Variants in SH3RF3 observed in about 807,000 individuals in gnomAD.
The protein encoded by SH3RF3 is E3 ubiquitin-protein ligase SH3RF3.
A neutral mutation model predicts 66.3 loss-of-function variants in SH3RF3; 29 were observed. That is an observed-to-expected ratio of 0.44 (90% confidence interval 0.33 to 0.60). The LOEUF (loss-of-function observed/expected upper bound fraction) is 0.60. Among genes scored for constraint, SH3RF3 ranks in the 20% least tolerant of loss-of-function variants. The pLI, the probability that SH3RF3 is intolerant of heterozygous loss-of-function variation, is 0.04. For missense variants in SH3RF3, 1,194 were observed against 1,190.9 expected, an observed-to-expected ratio of 1.00 and a Z score of -0.04; for synonymous variants, 583 against 532.0, an observed-to-expected ratio of 1.10 and a Z score of -1.32.
At chr2:109,324,740 G>A (rs1682108383) in intron 1 of SH3RF3, among the ~76,000 whole-genome samples, 1 of 152,180 alleles carries the variant, frequency 6.6e-6, no homozygotes, top group African/African-American at 2.4e-5. Context: ...TGCTGCATAA[G>A]CGCCAAATGA....
chr2:109,180,857 G>C (rs992068562), intron 1 of SH3RF3, among the ~76,000 whole-genome samples: 5 of 152,206 alleles, frequency 3.3e-5, no homozygotes, highest in Admixed American at 6.5e-5. Flanking sequence ...GGTCACAGGG[G>C]CTTCAGGGGC....
At chr2:109,376,013 C>T (rs780782272) in intron 3 of SH3RF3, among the ~76,000 whole-genome samples, 22 of 152,270 alleles carry the variant, frequency 1.4e-4, no homozygotes, top group Non-Finnish European at 2.6e-4. Flanking sequence ...CAGTGGCAGA[C>T]GTCATGGGCT....
intron 1 of SH3RF3, among the ~76,000 whole-genome samples, chr2:109,306,643 C>G (rs1214693133): frequency 6.6e-6 from 1 of 152,216 alleles, no homozygotes; most frequent in Non-Finnish European, 1.5e-5. Flanking sequence ...TGATTTCATG[C>G]TGTTAGCAGT....
chr2:109,182,293 C>T (rs1678091293), intron 1 of SH3RF3, among the ~76,000 whole-genome samples: 1 of 152,178 alleles, frequency 6.6e-6, no homozygotes, highest in Non-Finnish European at 1.5e-5. Context: ...AGTATGTGTG[C>T]ATGTGAGAGA....
chr2:109,255,373 G>T (rs915179888), intron 1 of SH3RF3, among the ~76,000 whole-genome samples: 8 of 152,180 alleles, frequency 5.3e-5, no homozygotes, highest in African/African-American at 1.9e-4. Flanking sequence ...GCTTTATTCG[G>T]TTAACTTTAC....
chr2:109,372,635 C>T (rs186615854), intron 3 of SH3RF3, among the ~76,000 whole-genome samples: 209 of 152,338 alleles, frequency 1.4e-3, no homozygotes, highest in African/African-American at 4.8e-3. Flanking sequence ...GTCCCACAGC[C>T]GAGGAGTGGC....
At chr2:109,417,740 A>G (rs1041098293) in intron 4 of SH3RF3, among the ~76,000 whole-genome samples, 2 of 152,190 alleles carry the variant, frequency 1.3e-5, no homozygotes, top group African/African-American at 4.8e-5. Flanking sequence ...AACAGGAGGA[A>G]GAAATCGTTT....
intron 1 of SH3RF3, among the ~76,000 whole-genome samples, chr2:109,256,657 C>A (rs953588205): frequency 9.9e-5 from 15 of 152,178 alleles, no homozygotes; most frequent in African/African-American, 3.1e-4. Flanking sequence ...TTTCCCTAGT[C>A]TTCGTGGTCT....
chr2:109,494,794 C>T (rs1679217452), intron 9 of SH3RF3, among the ~76,000 whole-genome samples: 2 of 152,104 alleles, frequency 1.3e-5, no homozygotes. Context: ...ATTTCTTGGG[C>T]CTTTCCTGTG....
At chr2:109,351,894 C>T (rs1288526437) in intron 2 of SH3RF3, among the ~76,000 whole-genome samples, 3 of 152,226 alleles carry the variant, frequency 2.0e-5, no homozygotes, top group African/African-American at 7.2e-5. Context: ...AATGTTTAAT[C>T]ATTTCTCAAA....
At chr2:109,500,096 G>A (rs1679352050) in intron 9 of SH3RF3, among the ~76,000 whole-genome samples, 1 of 152,156 alleles carries the variant, frequency 6.6e-6, no homozygotes, top group Non-Finnish European at 1.5e-5. Flanking sequence ...AGGTGTGGCT[G>A]GAACCCACAG....
At chr2:109,442,762 A>G (rs943679073) in intron 7 of SH3RF3, among the ~76,000 whole-genome samples, 1 of 152,232 alleles carries the variant, frequency 6.6e-6, no homozygotes, top group Non-Finnish European at 1.5e-5. Flanking sequence ...TCATGAAAAC[A>G]TCCAAAAGAA....
At chr2:109,458,007 T>C (rs1678108630) in intron 8 of SH3RF3, among the ~76,000 whole-genome samples, 1 of 152,144 alleles carries the variant, frequency 6.6e-6, no homozygotes, top group African/African-American at 2.4e-5. Context: ...TTCGGCATTC[T>C]ATTTGTTGTG....
Position 109,501,566 on chromosome 2 carries a change from C to T in SH3RF3, c.2544C>T (p.Asp848=), listed in dbSNP as rs1401288427. The change falls in exon 10 of 10, where the codon GAC becomes GAT. Residue 848 remains aspartate (D), a synonymous_variant. Transcript: ENST00000309415. ...CGGAGATCGAGCTGAAGGAAGGCGACATCGTCTTTGTGCACAAGAAGCGTG... is the reference window on the plus strand; with the variant it reads ...CGGAGATCGAGCTGAAGGAAGGCGATATCGTCTTTGTGCACAAGAAGCGTG... The part of the protein sequence containing the change: ...SEAEIELKEG[D]IVFVHKKRED... 1 of 779,750 alleles carries T rather than the reference C, an allele frequency of 1.3e-6. No individual in the cohort carries two copies. The highest frequency in any genetic ancestry group is 1.7e-5 in the African/African-American group (1 of 59,116). The allele number at this position is 779,750 out of a possible 1,614,324, so 48.3% of individuals were successfully genotyped here.
chr2:109,283,225 C>T (rs1324534438), intron 1 of SH3RF3, among the ~76,000 whole-genome samples: 1 of 152,208 alleles, frequency 6.6e-6, no homozygotes, highest in Non-Finnish European at 1.5e-5. Flanking sequence ...CCCAGCCTGG[C>T]AGTCTCCCGC....
At chr2:109,416,154 C>T (rs530533516) in intron 4 of SH3RF3, among the ~76,000 whole-genome samples, 15 of 152,318 alleles carry the variant, frequency 9.8e-5, no homozygotes, top group South Asian at 8.3e-4. Context: ...GGTATTCTGT[C>T]GTAAGCAACA....
intron 1 of SH3RF3, among the ~76,000 whole-genome samples, chr2:109,346,022 C>T (rs139890630): frequency 8.2e-4 from 125 of 152,358 alleles, no homozygotes; most frequent in African/African-American, 2.9e-3. Flanking sequence ...TGGAATTATT[C>T]TGATGGCCTG....
chr2:109,146,575 C>G (rs982214447), intron 1 of SH3RF3, among the ~76,000 whole-genome samples: 1 of 152,112 alleles, frequency 6.6e-6, no homozygotes, highest in Non-Finnish European at 1.5e-5. Flanking sequence ...AATGCACGCT[C>G]TCCCCAGCAC....
At chr2:109,137,127 CAT>C (rs1031833856) in intron 1 of SH3RF3, among the ~76,000 whole-genome samples, 2 of 152,268 alleles carry the variant, frequency 1.3e-5, no homozygotes, top group Non-Finnish European at 1.5e-5. Context: ...CAGAGGAAAA[CAT>C]GTGTCTATAT....
Sources: gnomAD v4.1 joint callset for allele counts (sites outside exome capture counted in the v4.1 genomes callset) on GRCh38, gnomAD v4.1.1 for gene constraint, MANE v1.5 for transcripts, NCBI Gene and HGNC (gene_info 2026-07-23, HGNC 2026-07-21) for gene names.